Variants in MRAP2 observed in about 807,000 individuals in gnomAD.
MRAP2 encodes melanocortin-2 receptor accessory protein 2.
A neutral mutation model predicts 17.4 loss-of-function variants in MRAP2; 20 were observed. The observed-to-expected ratio is 1.15, with a 90% CI of 0.81 to 1.67. MRAP2 has a LOEUF of 1.67. Ranked by LOEUF, MRAP2 falls within the 40% of genes most tolerant of loss-of-function variation. The pLI is 0.00. For missense variants in MRAP2, 238 were observed against 240.0 expected, an observed-to-expected ratio of 0.99 and a Z score of 0.05; for synonymous variants, 96 against 88.4, an observed-to-expected ratio of 1.09 and a Z score of -0.48.
upstream of MRAP2, chr6:84,033,628 C>G: frequency 1.0e-6 from 1 of 963,526 alleles, no homozygotes; most frequent in Non-Finnish European, 1.2e-6. Flanking sequence ...CTCACCTCCT[C>G]TTGGCCAAGG....
chr6:84,133,547 C>G, the MRAP2 span, among the ~76,000 whole-genome samples: 1 of 152,194 alleles, frequency 6.6e-6, no homozygotes, highest in Non-Finnish European at 1.5e-5. Context: ...TGTTTACCTA[C>G]TCAAGCCTCA....
In MRAP2 at chr6:84,055,440, A is replaced by C. The variant is rs374009541; in HGVS notation, c.122A>C (p.His41Pro). 1.6e-5 allele frequency: 26 copies of C among 1,611,970 alleles called. No homozygotes were observed. Among genetic ancestry groups the C allele is most frequent in the Non-Finnish European group, 2.1e-5 (25 of 1,179,326 alleles). The change falls in exon 2 of 4, where the codon CAT becomes CCT. Residue 41 changes from histidine to proline, a missense_variant. Transcript: ENST00000257776. ...GPVSFEGLKA[H>P]KYSIVIGFWV... ...GTTTCCTTTGAAGGACTGAAGGCTCATAAATGTAAGTTTTATACAATTCCT... is the reference window on the plus strand; with the variant it reads ...GTTTCCTTTGAAGGACTGAAGGCTCCTAAATGTAAGTTTTATACAATTCCT...
At chr6:84,046,780 C>CA (rs756963425) in intron 1 of MRAP2, among the ~76,000 whole-genome samples, 5,807 of 22,776 alleles carry the variant, frequency 0.25, 783 homozygotes, top group Middle Eastern at 0.35. Flanking sequence ...AACTCCATCT[C>CA]AAAAAAAAAA....
chr6:84,123,311 A>G, the MRAP2 span, among the ~76,000 whole-genome samples: 1 of 151,884 alleles, frequency 6.6e-6, no homozygotes, highest in African/African-American at 2.4e-5. Flanking sequence ...GAACAAATAC[A>G]GAGGCATCAC....
At chr6:84,036,695 A>C (rs986226259) in intron 1 of MRAP2, among the ~76,000 whole-genome samples, 2 of 152,184 alleles carry the variant, frequency 1.3e-5, no homozygotes, top group East Asian at 3.9e-4. Context: ...TGCTGGCTCC[A>C]GTAGCCTGCT....
At chr6:84,106,090 C>T in the MRAP2 span, among the ~76,000 whole-genome samples, 1 of 152,096 alleles carries the variant, frequency 6.6e-6, no homozygotes, top group Non-Finnish European at 1.5e-5. Context: ...ACTTAGCTGT[C>T]ACTGTAACTG....
chr6:84,127,324 C>CTACTAA, the MRAP2 span, among the ~76,000 whole-genome samples: 1 of 151,864 alleles, frequency 6.6e-6, no homozygotes, highest in African/African-American at 2.4e-5. Flanking sequence ...AACAATAATA[C>CTACTAA]TAATACTAAA....
At chr6:84,109,953 A>G in the MRAP2 span, among the ~76,000 whole-genome samples, 1 of 152,144 alleles carries the variant, frequency 6.6e-6, no homozygotes, top group Non-Finnish European at 1.5e-5. Flanking sequence ...ATGGCTGCAT[A>G]GTATTCCATG....
the MRAP2 span, among the ~76,000 whole-genome samples, chr6:84,103,851 G>A: frequency 6.6e-6 from 1 of 152,174 alleles, no homozygotes; most frequent in Non-Finnish European, 1.5e-5. Context: ...TCCTTGGTCA[G>A]GCTCCTGCTG....
chr6:84,134,599 G>T, the MRAP2 span, among the ~76,000 whole-genome samples: 1 of 152,094 alleles, frequency 6.6e-6, no homozygotes. Context: ...GCTAGGGGAG[G>T]GAGTTCCCCG....
the MRAP2 span, among the ~76,000 whole-genome samples, chr6:84,095,958 G>C: frequency 6.6e-6 from 1 of 152,220 alleles, no homozygotes; most frequent in African/African-American, 2.4e-5. Context: ...TGTATACCTA[G>C]TGAGAGGTCT....
rs543438926 is a variant in MRAP2 at position 84,048,949 on chromosome 6, A to G, written c.-7-6363A>G. ...TTCAGCTCCCTGAATCTGTAGAGCC[A>G]GGGGCGGAGGTGCAGTCGCATCTCA... On this transcript the variant is annotated intron_variant, in intron 1 of 3. Transcript: ENST00000257776. Among the ~76,000 whole-genome samples the G allele has an allele frequency of 2.6e-5, 4 of 152,316 alleles. 1 individual carries two copies. The South Asian group carries it at 8.3e-4, about 32-fold the overall frequency.
chr6:84,138,722 A>G, the MRAP2 span, among the ~76,000 whole-genome samples: 1 of 152,342 alleles, frequency 6.6e-6, no homozygotes, highest in African/African-American at 2.4e-5. Context: ...ATTAACAACA[A>G]TTAAGTTAAC....
intron 1 of MRAP2, among the ~76,000 whole-genome samples, chr6:84,042,978 A>G (rs905590391): frequency 1.9e-4 from 29 of 152,272 alleles, no homozygotes; most frequent in African/African-American, 5.1e-4. Context: ...GCTCAGGACC[A>G]TAATAAATAG....
At chr6:84,098,911 T>C in the MRAP2 span, among the ~76,000 whole-genome samples, 1 of 152,150 alleles carries the variant, frequency 6.6e-6, no homozygotes, top group Non-Finnish European at 1.5e-5. Flanking sequence ...TCTTTTCATA[T>C]CCTTAACAGT....
At chr6:84,124,793 T>C in the MRAP2 span, 2 of 390,228 alleles carry the variant, frequency 5.1e-6, no homozygotes, top group Non-Finnish European at 9.0e-6. Flanking sequence ...TTTTCTTTTC[T>C]TTCTATTTCT....
chr6:84,064,822 T>G (rs1428168722), intron 3 of MRAP2, among the ~76,000 whole-genome samples: 2 of 152,236 alleles, frequency 1.3e-5, no homozygotes, highest in Admixed American at 1.3e-4. Flanking sequence ...ATCTCATTTT[T>G]GCCTCACAGC....
the MRAP2 span, among the ~76,000 whole-genome samples, chr6:84,129,654 G>A: frequency 2.0e-5 from 3 of 152,070 alleles, no homozygotes; most frequent in Non-Finnish European, 4.4e-5. Context: ...TCCGGTTTTT[G>A]CTGTGCAGAA....
intron 3 of MRAP2, among the ~76,000 whole-genome samples, chr6:84,078,632 T>C (rs2099498220): frequency 6.6e-6 from 1 of 152,188 alleles, no homozygotes; most frequent in African/African-American, 2.4e-5. Context: ...TGTGAATGGC[T>C]TGGTGCTATT....
Sources: gnomAD v4.1 joint callset for allele counts (sites outside exome capture counted in the v4.1 genomes callset) on GRCh38, gnomAD v4.1.1 for gene constraint, MANE v1.5 for transcripts, NCBI Gene and HGNC (gene_info 2026-07-23, HGNC 2026-07-21) for gene names.